The following AMMECR1 variants were observed in gnomAD, a reference collection of about 807,000 sequenced individuals.
AMMECR1 encodes the protein nuclear protein AMMECR1.
AMMECR1 carries 3 observed loss-of-function variants against 22.5 expected under a neutral mutation model. The ratio of observed to expected loss-of-function variants is 0.13; its 90% CI spans 0.06 to 0.35. The LOEUF is 0.35. Among genes scored for constraint, AMMECR1 ranks in the 10% least tolerant of loss-of-function variants. The pLI is 1.00. For missense variants in AMMECR1, 235 were observed against 278.7 expected (o/e 0.84, Z 1.12); for synonymous variants, 130 against 116.7 (o/e 1.11, Z -0.74).
rs187214126 is a variant in AMMECR1, at chrX:110,375,876, T to C, written c.-148+50782A>G. ...ACATCAGAATCTGTGTTCTGAACCA[T>C]GTTCTGTCATTTGCATTCAATGTGC... is the stretch of plus-strand genomic sequence containing the variant. On this transcript the variant is annotated intron_variant, in intron 2 of 7. Transcript: ENST00000372057. 1.9e-4 allele frequency among the ~76,000 whole-genome samples: 21 copies of C among 111,819 alleles called. No individual in the cohort carries two copies. The East Asian group carries it at 5.4e-3, about 29-fold the overall frequency.
At chrX:110,429,258 A>T (rs2068777365) in intron 1 of AMMECR1, among the ~76,000 whole-genome samples, 1 of 110,029 alleles carries the variant, frequency 9.1e-6, no homozygotes, top group African/African-American at 3.3e-5. Context: ...TTTTTTATAG[A>T]CTTAGCATAG....
chrX:110,421,460 C>T (rs192940490), intron 2 of AMMECR1, among the ~76,000 whole-genome samples: 97 of 112,434 alleles, frequency 8.6e-4, no homozygotes, highest in Non-Finnish European at 2.1e-4. Flanking sequence ...AGTTGTGTTG[C>T]GACTTGTATT....
rs1164512589 is a variant in AMMECR1, at chrX:110,236,391, GA to G, written c.585-19760del. On this transcript the variant is annotated intron_variant, in intron 2 of 5. Coordinates refer to ENST00000262844, the MANE Select transcript of AMMECR1 (RefSeq NM_015365.3). ...ATTCCAGAAATAAAAAACAAAAAAA[GA>G]AAAAAAAAAGAGGAAGACACCTAAA... Among the ~76,000 whole-genome samples, 8 of 104,086 alleles carry G rather than the reference GA, an allele frequency of 7.7e-5. No individual in the cohort carries two copies. The East Asian group carries it at 1.2e-3, about 16-fold the overall frequency. 90.4% of individuals were successfully genotyped at this position (104,086 alleles called of 115,157 possible).
chrX:110,336,267 A>G (rs2068140753), intron 2 of AMMECR1, among the ~76,000 whole-genome samples: 1 of 111,988 alleles, frequency 8.9e-6, no homozygotes, highest in Non-Finnish European at 1.9e-5. Flanking sequence ...AAGGTTAGAA[A>G]GTCACTTAGA....
chrX:110,412,625 G>A (rs184298058), intron 2 of AMMECR1, among the ~76,000 whole-genome samples: 1 of 112,318 alleles, frequency 8.9e-6, no homozygotes, highest in Non-Finnish European at 1.9e-5. Context: ...ATAGGACCTG[G>A]CACAGAGCAT....
At chrX:110,435,073 A>G (rs1603008922) in intron 1 of AMMECR1, among the ~76,000 whole-genome samples, 1 of 62,375 alleles carries the variant, frequency 1.6e-5, no homozygotes, top group Non-Finnish European at 2.8e-5. Context: ...GGAAGGAGGG[A>G]GGGGGGAGGA....
chrX:110,407,423 G>A (rs1471799645), intron 2 of AMMECR1, among the ~76,000 whole-genome samples: 3 of 111,975 alleles, frequency 2.7e-5, no homozygotes, highest in African/African-American at 9.8e-5. Flanking sequence ...GGTAAGGTCA[G>A]CAGAAGCCAC....
intron 2 of AMMECR1, among the ~76,000 whole-genome samples, chrX:110,333,548 C>T (rs191041451): frequency 4.5e-4 from 50 of 111,512 alleles, no homozygotes; most frequent in African/African-American, 1.6e-3. Flanking sequence ...GCACTGTTCA[C>T]AATAGCAAAG....
chrX:110,238,752 G>A (rs2067614973), intron 2 of AMMECR1, among the ~76,000 whole-genome samples: 1 of 112,264 alleles, frequency 8.9e-6, no homozygotes, highest in Non-Finnish European at 1.9e-5. Context: ...CTCCTGACTG[G>A]GAGACACCTC....
At chrX:110,273,444 A>G (rs2067810035) in intron 1 of AMMECR1, among the ~76,000 whole-genome samples, 1 of 111,750 alleles carries the variant, frequency 8.9e-6, no homozygotes, top group South Asian at 3.7e-4. Flanking sequence ...CCTGTTCTGT[A>G]GGTTCTCTGT....
chrX:110,235,693 C>G (rs2067596633), intron 2 of AMMECR1, among the ~76,000 whole-genome samples: 1 of 111,640 alleles, frequency 9.0e-6, no homozygotes, highest in Non-Finnish European at 1.9e-5. Flanking sequence ...AACCATCATT[C>G]TCAGCAAACT....
At chrX:110,237,490 C>T (rs2067607809) in intron 2 of AMMECR1, among the ~76,000 whole-genome samples, 1 of 111,050 alleles carries the variant, frequency 9.0e-6, no homozygotes, top group Non-Finnish European at 1.9e-5. Flanking sequence ...GGGTATTTGT[C>T]ACCTAAGAGG....
At chrX:110,321,367 T>C (rs895970375), upstream of AMMECR1, among the ~76,000 whole-genome samples, 7 of 108,919 alleles carry the variant, frequency 6.4e-5, no homozygotes, top group Admixed American at 3.9e-4. Flanking sequence ...AAAAAAAAAA[T>C]AGGCCATAGT....
At chrX:110,338,984 C>T (rs887797492) in intron 2 of AMMECR1, among the ~76,000 whole-genome samples, 2 of 111,454 alleles carry the variant, frequency 1.8e-5, no homozygotes, top group East Asian at 5.6e-4. Flanking sequence ...GTGCTGCATA[C>T]CTTGGGTTTC....
intron 2 of AMMECR1, among the ~76,000 whole-genome samples, chrX:110,395,399 C>T (rs191840000): frequency 1.1e-4 from 12 of 112,133 alleles, no homozygotes; most frequent in African/African-American, 3.9e-4. Context: ...TGAACAATAG[C>T]AGTGCCCAGA....
intron 2 of AMMECR1, among the ~76,000 whole-genome samples, chrX:110,244,583 T>A (rs1226782656): frequency 3.6e-5 from 4 of 112,070 alleles, no homozygotes; most frequent in Non-Finnish European, 7.5e-5. Flanking sequence ...TGTTTCTACA[T>A]CTAATGCAGT....
rs758989655 is a variant in AMMECR1, at chrX:110,213,496, CCATT to C, written c.699+3018_699+3021del. On this transcript the variant is annotated intron_variant, in intron 3 of 5. Transcript: ENST00000262844. ...TATGAATATAACATATTCTATTTAT[CCATT>C]CATCTGTTGATAAACATTTGGGATG... Among the ~76,000 whole-genome samples the C allele has an allele frequency of 1.8e-3, 202 of 112,266 alleles. 3 individuals are homozygous for C. The highest frequency in any genetic ancestry group is 0.017 in the Admixed American group (186 of 10,639).
At chrX:110,390,245 T>C (rs2068485672) in intron 2 of AMMECR1, among the ~76,000 whole-genome samples, 1 of 112,315 alleles carries the variant, frequency 8.9e-6, no homozygotes, top group Admixed American at 9.4e-5. Context: ...GAGTCCCTTG[T>C]AGATCCATGA....
At chrX:110,276,135 T>C (rs186002307) in intron 1 of AMMECR1, among the ~76,000 whole-genome samples, 2 of 111,672 alleles carry the variant, frequency 1.8e-5, no homozygotes, top group East Asian at 2.8e-4. Context: ...TACAAATTCA[T>C]TGATATTTTC....
Sources: gnomAD v4.1 joint callset for allele counts (sites outside exome capture counted in the v4.1 genomes callset) on GRCh38, gnomAD v4.1.1 for gene constraint, MANE v1.5 for transcripts, NCBI Gene and HGNC (gene_info 2026-07-23, HGNC 2026-07-21) for gene names.